HYAL4: variants seen among roughly 807,000 people sequenced by gnomAD.
HYAL4 encodes the protein hyaluronidase-4.
In HYAL4, 37 loss-of-function variants were observed where a neutral mutation model predicts 35.2. The ratio of observed to expected loss-of-function variants is 1.05; its 90% confidence interval spans 0.81 to 1.38. The LOEUF is 1.38. Among genes scored for constraint, HYAL4 ranks in the 40% most tolerant of loss-of-function variants. The pLI is 0.00. For synonymous variants in HYAL4, 198 were observed against 203.2 expected (o/e 0.97, Z 0.22); for missense variants, 572 against 572.4 (o/e 1.00, Z 0.01).
intron 3 of HYAL4, among the ~76,000 whole-genome samples, chr7:123,871,252 C>T (rs934706324): frequency 6.6e-6 from 1 of 150,416 alleles, no homozygotes; most frequent in Admixed American, 6.6e-5. Context: ...AGTGCAGTGG[C>T]GCGATTTCGG....
chr7:123,806,918 G>T, the HYAL4 span, among the ~76,000 whole-genome samples: 2 of 152,166 alleles, frequency 1.3e-5, no homozygotes, highest in Non-Finnish European at 2.9e-5. Context: ...CTAGTACTTA[G>T]GGAATGGGAA....
At chr7:123,767,775 G>A in the HYAL4 span, among the ~76,000 whole-genome samples, 32 of 152,130 alleles carry the variant, frequency 2.1e-4, no homozygotes, top group African/African-American at 6.8e-4. Context: ...TATATTAATA[G>A]TAGAGTGGAT....
chr7:123,843,175 T>C (rs111994259), upstream of HYAL4, among the ~76,000 whole-genome samples: 87 of 152,044 alleles, frequency 5.7e-4, no homozygotes, highest in African/African-American at 1.9e-3. Flanking sequence ...CCTTCAGGAG[T>C]TCTTGTAAGG....
At chr7:123,793,510 A>C in the HYAL4 span, among the ~76,000 whole-genome samples, 1 of 152,028 alleles carries the variant, frequency 6.6e-6, no homozygotes, top group Non-Finnish European at 1.5e-5. Flanking sequence ...CATGGGAGGG[A>C]CCTGGTGGAA....
intron 1 of HYAL4, among the ~76,000 whole-genome samples, chr7:123,833,242 A>G (rs1333272923): frequency 6.6e-6 from 1 of 152,130 alleles, no homozygotes; most frequent in Admixed American, 6.5e-5. Context: ...ATGGACATCT[A>G]TTATTTTTTG....
the HYAL4 span, among the ~76,000 whole-genome samples, chr7:123,783,456 C>T: frequency 2.0e-5 from 3 of 151,964 alleles, no homozygotes; most frequent in Non-Finnish European, 4.4e-5. Context: ...TATAACAAGA[C>T]ATAAATGAAG....
the HYAL4 span, among the ~76,000 whole-genome samples, chr7:123,819,728 C>T: frequency 1.3e-5 from 2 of 151,924 alleles, no homozygotes; most frequent in Admixed American, 6.6e-5. Flanking sequence ...TCAGCTTCTC[C>T]ATCTAAAAAA....
chr7:123,808,239 C>T, the HYAL4 span, among the ~76,000 whole-genome samples: 2 of 151,818 alleles, frequency 1.3e-5, 1 homozygote, highest in South Asian at 4.1e-4. Context: ...TTACTGGGTC[C>T]TAGGTTTAAC....
intron 1 of HYAL4, among the ~76,000 whole-genome samples, chr7:123,833,923 TA>T (rs1805921918): frequency 6.6e-6 from 1 of 152,204 alleles, no homozygotes; most frequent in South Asian, 2.1e-4. Context: ...CTGAGTTCTC[TA>T]TTCTGTTTGA....
upstream of HYAL4, among the ~76,000 whole-genome samples, chr7:123,844,551 A>G (rs1806136635): frequency 6.6e-6 from 1 of 152,180 alleles, no homozygotes. Context: ...TGGGAGAACC[A>G]CTGCTCTCTT....
chr7:123,845,722 A>G (rs1038205169), intron 1 of HYAL4, 37 bp downstream of exon 1: 10 of 152,140 alleles, frequency 6.6e-5, no homozygotes, highest in Admixed American at 6.5e-4. Flanking sequence ...GATGTTAAAG[A>G]AAGTTGTTTT....
In HYAL4 at chr7:123,877,133, G is replaced by T. The variant is rs781387294; in HGVS notation, c.1424G>T (p.Ser475Ile). ...ACACTTTGTCTACTGCTTTTAGCAA[G>T]TTATCGAAGCATTCAGTTGTGAGAT... ...LMTLCLLLLA[S>I]YRSIQL Residue 475 changes from serine to isoleucine, a missense_variant, in exon 5 of 5, where the codon AGT becomes ATT. Coordinates refer to ENST00000223026, the MANE Select transcript of HYAL4 (RefSeq NM_012269.3). The T allele has an allele frequency of 2.5e-6, 4 of 1,613,818 alleles. No homozygotes were observed. The highest frequency in any genetic ancestry group is 2.5e-6 in the Non-Finnish European group (3 of 1,179,762).
the HYAL4 span, among the ~76,000 whole-genome samples, chr7:123,769,522 T>G: frequency 2.2e-4 from 33 of 152,202 alleles, no homozygotes; most frequent in Admixed American, 1.7e-3. Flanking sequence ...AATTAGTCAT[T>G]GTGTATGAGC....
chr7:123,803,336 G>A, the HYAL4 span, among the ~76,000 whole-genome samples: 58 of 152,162 alleles, frequency 3.8e-4, no homozygotes, highest in Non-Finnish European at 6.3e-4. Flanking sequence ...GACATCATTT[G>A]CATGTAAAAA....
intron 2 of HYAL4, among the ~76,000 whole-genome samples, chr7:123,856,893 G>A (rs1215605554): frequency 6.6e-6 from 1 of 152,172 alleles, no homozygotes; most frequent in Non-Finnish European, 1.5e-5. Context: ...CCAGAGAGGA[G>A]GAATCTAGAG....
At chr7:123,875,135 C>A (rs945802439) in intron 4 of HYAL4, among the ~76,000 whole-genome samples, 1 of 152,110 alleles carries the variant, frequency 6.6e-6, no homozygotes, top group Non-Finnish European at 1.5e-5. Context: ...CTATCATCCT[C>A]ATTTACAGAT....
At chr7:123,845,866 C>T (rs1423898311) in intron 1 of HYAL4, among the ~76,000 whole-genome samples, 181 bp downstream of exon 1, 1 of 152,180 alleles carries the variant, frequency 6.6e-6, no homozygotes, top group African/African-American at 2.4e-5. Flanking sequence ...TATTCTCCCC[C>T]TTTTCCTATG....
chr7:123,850,160 C>T (rs1806271262), intron 2 of HYAL4, among the ~76,000 whole-genome samples: 1 of 152,142 alleles, frequency 6.6e-6, no homozygotes, highest in South Asian at 2.1e-4. Context: ...CTTAGTCACA[C>T]GATTTATTTC....
chr7:123,877,330 G>A lies in HYAL4; in HGVS notation c.*175G>A, dbSNP rs1011754464. On this transcript the variant is annotated 3_prime_UTR_variant, in exon 5 of 5. Transcript: ENST00000223026. Reference sequence around the variant, plus strand: ...ATTTTATTTGCCTCCAGTCTGGCTAGGAAACCAGATCTGGGGTAAAGTCAA... The same window carrying A: ...ATTTTATTTGCCTCCAGTCTGGCTAAGAAACCAGATCTGGGGTAAAGTCAA... The A allele has an allele frequency of 1.6e-6, 1 of 630,998 alleles. No individual in the cohort carries two copies. The highest frequency in any genetic ancestry group is 3.2e-5 in the Admixed American group (1 of 31,502). The allele number at this position is 630,998 out of a possible 1,614,324, so 39.1% of individuals were successfully genotyped here.
Sources: allele counts gnomAD v4.1 joint callset (sites outside exome capture counted in the v4.1 genomes callset), GRCh38; gene constraint gnomAD v4.1.1; transcripts MANE v1.5; gene names NCBI Gene and HGNC (gene_info 2026-07-23, HGNC 2026-07-21).